Variants in NRXN1 observed in about 807,000 individuals in gnomAD.
NRXN1 encodes the protein neurexin-1.
NRXN1 carries 39 observed loss-of-function variants against 150.9 expected under a neutral mutation model. The observed-to-expected ratio is 0.26, with a 90% CI of 0.20 to 0.34. The LOEUF is 0.34. NRXN1 is among the 10% of genes least tolerant of loss of function. The pLI, the probability that NRXN1 is intolerant of heterozygous loss-of-function variation, is 1.00. For synonymous variants in NRXN1, 924 were observed against 757.0 expected, an observed-to-expected ratio of 1.22 and a Z score of -3.62; for missense variants, 1,815 against 1,949.9, an observed-to-expected ratio of 0.93 and a Z score of 1.30.
rs1284414049 is a variant in NRXN1 at position 50,908,776 on chromosome 2, G to C, written c.832+13093C>G. On this transcript the variant is annotated intron_variant, in intron 5 of 22. Transcript: ENST00000401669. ...TTAGGAGGTAATTAGGATTAGATAA[G>C]GTCATCAGTATGGAGCCCCCTTCAT... is the stretch of plus-strand genomic sequence containing the variant. 4.6e-5 allele frequency among the ~76,000 whole-genome samples: 7 copies of C among 152,022 alleles called. No homozygotes were observed. In the East Asian group the frequency reaches 1.4e-3, roughly 30 times the overall value.
chr2:50,209,306 CAG>C (rs999092168), intron 18 of NRXN1, among the ~76,000 whole-genome samples: 2 of 152,078 alleles, frequency 1.3e-5, no homozygotes, highest in Non-Finnish European at 2.9e-5. Context: ...GGCCAAATGC[CAG>C]AGAGTCTAAT....
chr2:50,324,333 C>A (rs983592519), intron 17 of NRXN1, among the ~76,000 whole-genome samples: 1 of 152,100 alleles, frequency 6.6e-6, no homozygotes, highest in Admixed American at 6.6e-5. Context: ...AGGTTTTGAG[C>A]CTTAATGACC....
At chr2:49,997,727 G>A (rs112174878) in intron 21 of NRXN1, among the ~76,000 whole-genome samples, 9 of 152,134 alleles carry the variant, frequency 5.9e-5, no homozygotes, top group African/African-American at 1.9e-4. Flanking sequence ...TTTTCCCCAA[G>A]GGTATATAAG....
intron 17 of NRXN1, among the ~76,000 whole-genome samples, chr2:50,428,616 G>A (rs932042385): frequency 3.3e-5 from 5 of 152,116 alleles, no homozygotes; most frequent in Admixed American, 6.5e-5. Context: ...GATTAGAGGC[G>A]GGACGGGGAA....
intron 5 of NRXN1, among the ~76,000 whole-genome samples, chr2:50,702,495 T>C (rs1407493355): frequency 6.6e-6 from 1 of 152,162 alleles, no homozygotes; most frequent in African/African-American, 2.4e-5. Context: ...CTTCTCAATA[T>C]AACTCAAAGA....
intron 17 of NRXN1, among the ~76,000 whole-genome samples, chr2:50,380,082 C>T (rs937296076): frequency 9.9e-5 from 15 of 152,192 alleles, no homozygotes; most frequent in African/African-American, 3.6e-4. Context: ...GATGAAATGT[C>T]TCTAAGAATA....
intron 5 of NRXN1, among the ~76,000 whole-genome samples, chr2:50,713,313 CAAA>C (rs59339405): frequency 7.1e-6 from 1 of 140,368 alleles, no homozygotes; most frequent in African/African-American, 2.6e-5. Flanking sequence ...GACTCTGTCT[CAAA>C]AAAAAAAAAG....
At chr2:50,295,926 T>C (rs970103185) in intron 17 of NRXN1, among the ~76,000 whole-genome samples, 5 of 152,200 alleles carry the variant, frequency 3.3e-5, no homozygotes, top group Non-Finnish European at 7.3e-5. Flanking sequence ...TTACAGTAAT[T>C]TCCCTAGAAT....
At chr2:50,956,541 A>G (rs921413198) in intron 2 of NRXN1, among the ~76,000 whole-genome samples, 1 of 152,088 alleles carries the variant, frequency 6.6e-6, no homozygotes, top group Non-Finnish European at 1.5e-5. Flanking sequence ...TGAGCCCCAG[A>G]GTTCAAAACC....
intron 13 of NRXN1, among the ~76,000 whole-genome samples, chr2:50,505,845 C>T (rs1430110562): frequency 3.3e-5 from 5 of 152,100 alleles, no homozygotes; most frequent in African/African-American, 4.8e-5. Flanking sequence ...CAGCTAATAT[C>T]CCAGTGGGTC....
chr2:50,251,178 C>G (rs1211730315), intron 17 of NRXN1, among the ~76,000 whole-genome samples: 1 of 152,010 alleles, frequency 6.6e-6, no homozygotes, highest in Non-Finnish European at 1.5e-5. Context: ...CTGATGCTCT[C>G]TCTCCCCCTG....
chr2:50,822,005 A>G (rs1669811076), intron 5 of NRXN1, among the ~76,000 whole-genome samples: 2 of 152,170 alleles, frequency 1.3e-5, no homozygotes, highest in Admixed American at 1.3e-4. Context: ...TTTTGATAGG[A>G]AAACATTTTA....
chr2:51,022,307 A>G (rs1279358640), intron 2 of NRXN1, among the ~76,000 whole-genome samples: 1 of 152,094 alleles, frequency 6.6e-6, no homozygotes, highest in Non-Finnish European at 1.5e-5. Context: ...CAGTATTCTC[A>G]TCCCAATTTC....
chr2:50,304,631 T>A (rs2074446892), intron 17 of NRXN1, among the ~76,000 whole-genome samples: 1 of 152,160 alleles, frequency 6.6e-6, no homozygotes, highest in Admixed American at 6.5e-5. Flanking sequence ...TACAGAGCTA[T>A]GGAAGCAGAT....
At chr2:50,486,083 C>T (rs987742476) in intron 15 of NRXN1, among the ~76,000 whole-genome samples, 2 of 152,068 alleles carry the variant, frequency 1.3e-5, no homozygotes, top group African/African-American at 2.4e-5. Flanking sequence ...TAAATCAGTA[C>T]GTGGTACAAA....
In NRXN1 at chr2:50,859,900, C is replaced by G. The variant is rs561332519; in HGVS notation, c.832+61969G>C. 1.9e-3 allele frequency among the ~76,000 whole-genome samples: 290 copies of G among 151,468 alleles called. 4 individuals carry two copies. Among genetic ancestry groups the G allele is most frequent in the Non-Finnish European group, 2.5e-3 (172 of 67,884 alleles). ...CCAGAATGTCACTTCCCTCCCCAAA[C>G]TGATATCTGTATACATTTCTATGTT... On this transcript the variant is annotated intron_variant, in intron 5 of 22. Coordinates refer to ENST00000401669, the MANE Select transcript of NRXN1 (RefSeq NM_001330078.2).
intron 21 of NRXN1, among the ~76,000 whole-genome samples, chr2:49,959,813 C>T (rs914731734): frequency 1.3e-5 from 2 of 152,152 alleles, no homozygotes; most frequent in African/African-American, 2.4e-5. Context: ...ATGTTACCTC[C>T]AGCATGCTGA....
At chr2:50,666,668 G>T (rs1286259999) in intron 5 of NRXN1, among the ~76,000 whole-genome samples, 3 of 151,872 alleles carry the variant, frequency 2.0e-5, no homozygotes, top group African/African-American at 7.2e-5. Flanking sequence ...TTATATGGCT[G>T]CTTCTTACTC....
chr2:50,811,216 T>C (rs1668167922), intron 5 of NRXN1, among the ~76,000 whole-genome samples: 1 of 152,208 alleles, frequency 6.6e-6, no homozygotes, highest in Admixed American at 6.5e-5. Flanking sequence ...TGATGATTCC[T>C]TGAAACATCC....
Sources: allele counts gnomAD v4.1 joint callset (sites outside exome capture counted in the v4.1 genomes callset), GRCh38; gene constraint gnomAD v4.1.1; transcripts MANE v1.5; gene names NCBI Gene and HGNC (gene_info 2026-07-23, HGNC 2026-07-21).